THOC1: variants seen among roughly 807,000 people sequenced by gnomAD.
THOC1 encodes THO complex subunit 1.
In THOC1, 29 loss-of-function variants were observed where a neutral mutation model predicts 97.3. That is an observed-to-expected ratio of 0.30 (90% CI 0.22 to 0.41). THOC1 has a LOEUF of 0.41. Among genes scored for constraint, THOC1 ranks in the 10% least tolerant of loss-of-function variants. The pLI is 1.00. For synonymous variants in THOC1, 255 were observed against 257.0 expected (o/e 0.99, Z 0.07); for missense variants, 529 against 761.9 (o/e 0.69, Z 3.60).
intron 11 of THOC1, among the ~76,000 whole-genome samples, chr18:232,888 T>C: frequency 6.6e-6 from 1 of 152,164 alleles, no homozygotes. Context: ...TACTTTTTCT[T>C]ATCATCTTTT....
At chr18:218,803 A>G in intron 18 of THOC1, 83 bp downstream of exon 18, 1 of 1,170,636 alleles carries the variant, frequency 8.5e-7, no homozygotes, top group Non-Finnish European at 1.2e-6. Flanking sequence ...GCCTCTCTTA[A>G]GAGGCTTTCT....
chr18:255,523 G>A lies in THOC1; in HGVS notation c.521-1168C>T, dbSNP rs1912410104. ...GGCTGAGACAGGTGAGGACACCACA[G>A]AAGACAAGTACGAAGCTAGCAGAAG... is the stretch of plus-strand genomic sequence containing the variant. On this transcript the variant is annotated intron_variant, in intron 7 of 20. Transcript: ENST00000261600. 2.0e-5 allele frequency among the ~76,000 whole-genome samples: 3 copies of A among 152,202 alleles called. No individual in the cohort carries two copies. In the South Asian group the frequency reaches 6.2e-4, roughly 31 times the overall value.
intron 11 of THOC1, among the ~76,000 whole-genome samples, chr18:231,229 A>G (rs1250152429): frequency 2.0e-5 from 3 of 152,174 alleles, no homozygotes; most frequent in Non-Finnish European, 4.4e-5. Context: ...AACTTCAGGC[A>G]TACATCACTG....
chr18:248,204 T>TA (rs1912157770), intron 9 of THOC1, among the ~76,000 whole-genome samples: 1 of 152,212 alleles, frequency 6.6e-6, no homozygotes. Flanking sequence ...TATTCAGAAT[T>TA]AAAGATTATG....
intron 14 of THOC1, 31 bp from the exon 15 acceptor site, chr18:225,025 T>C (rs1911232606): frequency 1.9e-6 from 3 of 1,565,416 alleles, no homozygotes; most frequent in Middle Eastern, 3.3e-4. Flanking sequence ...ACATTTTGGT[T>C]AGTGGAATCC....
intron 3 of THOC1, among the ~76,000 whole-genome samples, chr18:264,705 G>A (rs992728759): frequency 1.3e-5 from 2 of 152,222 alleles, no homozygotes; most frequent in African/African-American, 4.8e-5. Flanking sequence ...ACTTGTCTGA[G>A]AGAAAGGGAC....
In THOC1 at chr18:214,597, A is replaced by AGTT. The variant is rs775312754; in HGVS notation, c.*26_*28dup. On this transcript the variant is annotated 3_prime_UTR_variant, in exon 21 of 21. Transcript: ENST00000261600. Reference sequence around the variant, plus strand: ...GCTGCTTGGTAACAAAATCTATCACAGTTTTAATAAAAAGAAAAAAAAAAG... The same window carrying AGTT: ...GCTGCTTGGTAACAAAATCTATCACAGTTGTTTTAATAAAAAGAAAAAAAAAAG... 1.2e-5 allele frequency: 19 copies of AGTT among 1,561,194 alleles called. No homozygotes were observed. The South Asian group carries it at 2.3e-4, about 19-fold the overall frequency.
At chr18:223,883 T>C (rs183531909) in intron 16 of THOC1, among the ~76,000 whole-genome samples, 103 of 152,274 alleles carry the variant, frequency 6.8e-4, no homozygotes, top group Non-Finnish European at 3.1e-4. Flanking sequence ...ACACAGATTT[T>C]GGAAGCTGGA....
chr18:232,270 A>T (rs1567846898), intron 11 of THOC1, among the ~76,000 whole-genome samples: 1 of 151,910 alleles, frequency 6.6e-6, no homozygotes, highest in Non-Finnish European at 1.5e-5. Flanking sequence ...TCATTTTAAA[A>T]TTTTTTTGTA....
At chr18:267,495 G>A (rs926436462) in intron 1 of THOC1, among the ~76,000 whole-genome samples, 24 of 152,222 alleles carry the variant, frequency 1.6e-4, no homozygotes, top group African/African-American at 5.5e-4. Context: ...CGATCGCTTA[G>A]GAGTTAGACA....
intron 12 of THOC1, 197 bp from the exon 13 acceptor site, chr18:225,600 G>A: frequency 5.3e-6 from 3 of 562,394 alleles, no homozygotes; most frequent in Non-Finnish European, 9.4e-6. Flanking sequence ...TGGTACTGAA[G>A]ACATAAAAGC....
intron 11 of THOC1, chr18:244,372 GTT>G (rs963139707): frequency 6.6e-6 from 1 of 151,952 alleles, no homozygotes; most frequent in African/African-American, 2.4e-5. Context: ...TCCTTGAGTA[GTT>G]TTTTTCAAAA....
intron 5 of THOC1, chr18:259,951 G>T: frequency 3.9e-6 from 2 of 517,982 alleles, no homozygotes; most frequent in Non-Finnish European, 6.8e-6. Flanking sequence ...GTGAAAGTGT[G>T]AATTTTCAAG....
intron 11 of THOC1, 28 bp from the exon 12 acceptor site, chr18:226,929 GAAA>G: frequency 6.5e-7 from 1 of 1,532,836 alleles, no homozygotes; most frequent in African/African-American, 1.4e-5. Context: ...AAACACATAC[GAAA>G]ACAACACATT....
chr18:266,031 C>T (rs1463498797), intron 1 of THOC1, among the ~76,000 whole-genome samples: 2 of 152,184 alleles, frequency 1.3e-5, no homozygotes, highest in African/African-American at 4.8e-5. Flanking sequence ...ACCTGCTCAT[C>T]CAAATTCTAT....
chr18:246,806 G>A (rs769057060), intron 10 of THOC1, among the ~76,000 whole-genome samples: 9 of 150,772 alleles, frequency 6.0e-5, no homozygotes, highest in East Asian at 5.9e-4. Context: ...GTGAAACCCC[G>A]TCTCGACTAA....
rs186269430 is a variant in THOC1, at chr18:215,384, A to G, written c.1678+45T>C. 4.0e-4 allele frequency: 593 copies of G among 1,465,656 alleles called. 3 individuals are homozygous for G. The African/African-American group carries it at 6.5e-3, about 16-fold the overall frequency. 90.8% of individuals were successfully genotyped at this position (1,465,656 alleles called of 1,614,324 possible). A position where few individuals can be genotyped will look rare whatever the true frequency, so the allele number is the denominator to read the frequency against. On this transcript the variant is annotated intron_variant, in intron 20 of 20. Coordinates refer to ENST00000261600, the MANE Select transcript of THOC1 (RefSeq NM_005131.3). ...ATGTACCTATCAACAAAGAACCCCA[A>G]TCGTCTTCAATTTTGTTAAATAACC...
At chr18:252,283 G>T (rs1346621556) in intron 9 of THOC1, among the ~76,000 whole-genome samples, 1 of 152,142 alleles carries the variant, frequency 6.6e-6, no homozygotes, top group East Asian at 1.9e-4. Flanking sequence ...GCTGCCTGTG[G>T]TTGGCTTTTC....
At chr18:255,086 C>T (rs1567855581) in intron 7 of THOC1, among the ~76,000 whole-genome samples, 2 of 152,120 alleles carry the variant, frequency 1.3e-5, no homozygotes, top group East Asian at 1.9e-4. Context: ...ACTGCTTCAC[C>T]GACCAACCGT....
Sources: gnomAD v4.1 joint callset for allele counts (sites outside exome capture counted in the v4.1 genomes callset) on GRCh38, gnomAD v4.1.1 for gene constraint, MANE v1.5 for transcripts, NCBI Gene and HGNC (gene_info 2026-07-23, HGNC 2026-07-21) for gene names.